TMEM132D: variants seen among roughly 807,000 people sequenced by gnomAD.
TMEM132D encodes mature OL transmembrane protein.
TMEM132D carries 21 observed loss-of-function variants against 62.3 expected under a neutral mutation model. The ratio of observed to expected loss-of-function variants is 0.34; its 90% confidence interval spans 0.24 to 0.49. TMEM132D has a LOEUF of 0.49. TMEM132D is among the 20% of genes least tolerant of loss of function. TMEM132D has a pLI of 0.99. For missense variants in TMEM132D, 1,346 were observed against 1,402.8 expected, an observed-to-expected ratio of 0.96 and a Z score of 0.65; for synonymous variants, 621 against 575.6, an observed-to-expected ratio of 1.08 and a Z score of -1.13.
rs185293952 is a variant in TMEM132D, at chr12:129,579,355, C to T, written c.969-48150G>A. On this transcript the variant is annotated intron_variant, in intron 2 of 8. Transcript: ENST00000422113. ...ACAGGGACGAAACTAATCAGATATA[C>T]GTATATATGGAAGGGAGTTTATGAA... 1.3e-4 allele frequency among the ~76,000 whole-genome samples: 20 copies of T among 152,168 alleles called. No individual in the cohort carries two copies. The East Asian group carries it at 2.5e-3, about 19-fold the overall frequency.
intron 1 of TMEM132D, among the ~76,000 whole-genome samples, chr12:129,797,048 T>G (rs1871584518): frequency 6.6e-6 from 1 of 152,190 alleles, no homozygotes; most frequent in African/African-American, 2.4e-5. Flanking sequence ...AAACTGTACC[T>G]CTTCTCAACG....
intron 3 of TMEM132D, among the ~76,000 whole-genome samples, chr12:129,396,384 G>A (rs1251022198): frequency 6.6e-6 from 1 of 152,172 alleles, no homozygotes; most frequent in Non-Finnish European, 1.5e-5. Context: ...CTACAGTCAC[G>A]TGGTTAGGGG....
At chr12:129,362,465 T>C (rs945228727) in intron 3 of TMEM132D, among the ~76,000 whole-genome samples, 2 of 130,780 alleles carry the variant, frequency 1.5e-5, no homozygotes, top group Admixed American at 1.9e-4. Context: ...AGCTGGAATC[T>C]CTGCTACAGA....
rs531923812 is a variant in TMEM132D at position 129,837,013 on chromosome 12, G to A, written c.79+66248C>T. On this transcript the variant is annotated intron_variant, in intron 1 of 8. Coordinates refer to ENST00000422113, the MANE Select transcript of TMEM132D (RefSeq NM_133448.3). ...AAAGAAATCTATTCTTAACCTACAGGAGAAAGGAATTAGGTTCAAAGACAC... is the reference window on the plus strand; with the variant it reads ...AAAGAAATCTATTCTTAACCTACAGAAGAAAGGAATTAGGTTCAAAGACAC... Among the ~76,000 whole-genome samples the A allele has an allele frequency of 2.2e-3, 335 of 152,276 alleles. 2 individuals carry two copies. Among genetic ancestry groups the A allele is most frequent in the African/African-American group, 7.8e-3 (325 of 41,554 alleles).
intron 4 of TMEM132D, among the ~76,000 whole-genome samples, chr12:129,267,702 CA>C (rs201463947): frequency 0.09 from 13,718 of 151,884 alleles, 779 homozygotes; most frequent in Admixed American, 0.17. Context: ...CATATGGAAC[CA>C]AAAAAAGAGC....
chr12:129,554,817 C>T (rs1877009138), intron 2 of TMEM132D, among the ~76,000 whole-genome samples: 1 of 152,188 alleles, frequency 6.6e-6, no homozygotes, highest in Non-Finnish European at 1.5e-5. Flanking sequence ...CAGCTTCCTA[C>T]AACTTCTCAA....
intron 4 of TMEM132D, among the ~76,000 whole-genome samples, chr12:129,245,554 C>CTTTT (rs71449399): frequency 1.4e-5 from 2 of 146,814 alleles, no homozygotes; most frequent in African/African-American, 5.0e-5. Flanking sequence ...TATATTAGAA[C>CTTTT]TTTTTTTTTT....
At chr12:129,126,451 C>T (rs1469837835) in intron 5 of TMEM132D, among the ~76,000 whole-genome samples, 1 of 151,240 alleles carries the variant, frequency 6.6e-6, no homozygotes, top group Non-Finnish European at 1.5e-5. Context: ...AGAGAAACAT[C>T]GAGAGCAGTG....
intron 1 of TMEM132D, among the ~76,000 whole-genome samples, chr12:129,810,572 ACC>A (rs60005433): frequency 0.65 from 79,398 of 123,064 alleles, 21,596 homozygotes; most frequent in Middle Eastern, 0.72. Flanking sequence ...ACACACACAC[ACC>A]CCCCCACACT....
Position 129,770,143 on chromosome 12 carries a change from G to GTTT in TMEM132D, c.80-69448_80-69446dup, listed in dbSNP as rs71082754. ...AGATTCTTTGTGGGTTTTTTTGGTT[G>GTTT]TTTTTTTTTTTTTTTTTTGAGATCA... is the stretch of plus-strand genomic sequence containing the variant. On this transcript the variant is annotated intron_variant, in intron 1 of 8. Transcript: ENST00000422113. Among the ~76,000 whole-genome samples the GTTT allele has an allele frequency of 5.8e-4, 74 of 128,118 alleles. 4 individuals carry two copies. The highest frequency in any genetic ancestry group is 1.7e-3 in the African/African-American group (57 of 33,220). The allele number at this position is 128,118 out of a possible 152,430, so 84.1% of individuals were successfully genotyped here. A position where few individuals can be genotyped will look rare whatever the true frequency, so the allele number is the denominator to read the frequency against.
chr12:129,667,107 G>A lies in TMEM132D; in HGVS notation c.968+32703C>T, dbSNP rs117487788. ...ATTAAAATCATACTGATGTGGGGCC[G>A]GAATCTGGGCCCATGTCCGAATAAC... On this transcript the variant is annotated intron_variant, in intron 2 of 8. Coordinates refer to ENST00000422113, the MANE Select transcript of TMEM132D (RefSeq NM_133448.3). 9.2e-3 allele frequency among the ~76,000 whole-genome samples: 1,408 copies of A among 152,230 alleles called. 21 individuals carry two copies. Among genetic ancestry groups the A allele is most frequent in the East Asian group, 0.048 (251 of 5,176 alleles).
chr12:129,817,393 C>T (rs1872378066), intron 1 of TMEM132D, among the ~76,000 whole-genome samples: 1 of 152,196 alleles, frequency 6.6e-6, no homozygotes, highest in African/African-American at 2.4e-5. Flanking sequence ...AAGAAGTTCA[C>T]ACACTTAGTT....
intron 2 of TMEM132D, among the ~76,000 whole-genome samples, chr12:129,586,947 A>C (rs1878046968): frequency 6.6e-6 from 1 of 152,234 alleles, no homozygotes; most frequent in Non-Finnish European, 1.5e-5. Flanking sequence ...CTGACTTCAC[A>C]CAGTCAAAAT....
chr12:129,880,292 T>C (rs968417401), intron 1 of TMEM132D, among the ~76,000 whole-genome samples: 12 of 152,082 alleles, frequency 7.9e-5, no homozygotes, highest in South Asian at 4.2e-4. Context: ...GAGGGTAAAA[T>C]AAAAATATTT....
chr12:129,708,625 AAAAAAACACAC>A (rs1881561331), intron 1 of TMEM132D, among the ~76,000 whole-genome samples: 1 of 88,738 alleles, frequency 1.1e-5, no homozygotes, highest in African/African-American at 4.5e-5. Flanking sequence ...AAAAAAAAAA[AAAAAAACACAC>A]ACACACACAC....
chr12:129,135,185 G>T (rs1348138400), intron 5 of TMEM132D, among the ~76,000 whole-genome samples: 19 of 152,222 alleles, frequency 1.2e-4, no homozygotes, highest in Admixed American at 1.2e-3. Context: ...AGTTGGGTTT[G>T]TGCATCAGGT....
chr12:129,404,049 A>G (rs1871698075), intron 3 of TMEM132D, among the ~76,000 whole-genome samples: 1 of 152,154 alleles, frequency 6.6e-6, no homozygotes. Flanking sequence ...GAAATTGTAC[A>G]GCCTTGAGAA....
intron 5 of TMEM132D, among the ~76,000 whole-genome samples, chr12:129,142,863 T>G (rs772294099): frequency 6.6e-6 from 1 of 152,138 alleles, no homozygotes; most frequent in Non-Finnish European, 1.5e-5. Flanking sequence ...TCCCAAAGCA[T>G]CCACTAATTT....
intron 3 of TMEM132D, among the ~76,000 whole-genome samples, chr12:129,470,172 T>C (rs1874052579): frequency 6.6e-6 from 1 of 152,202 alleles, no homozygotes; most frequent in African/African-American, 2.4e-5. Flanking sequence ...ATTTGTGGTG[T>C]GGACTATAAA....
Sources: gnomAD v4.1 joint callset for allele counts (sites outside exome capture counted in the v4.1 genomes callset) on GRCh38, gnomAD v4.1.1 for gene constraint, MANE v1.5 for transcripts, NCBI Gene and HGNC (gene_info 2026-07-23, HGNC 2026-07-21) for gene names.